The following INPP5D variants were observed in gnomAD, a reference collection of about 807,000 sequenced individuals.
The protein encoded by INPP5D is inositol polyphosphate-5-phosphatase D, also known as phosphatidylinositol 3,4,5-trisphosphate 5-phosphatase 1.
Under a neutral mutation model 122.9 loss-of-function variants are expected in INPP5D, and 33 were observed. That is an observed-to-expected ratio of 0.27 (90% CI 0.20 to 0.36). The LOEUF (loss-of-function observed/expected upper bound fraction) is 0.36. Among genes scored for constraint, INPP5D ranks in the 10% least tolerant of loss-of-function variants. INPP5D has a pLI of 1.00. For synonymous variants in INPP5D, 584 were observed against 576.2 expected, an observed-to-expected ratio of 1.01 and a Z score of -0.19; for missense variants, 1,053 against 1,412.7, an observed-to-expected ratio of 0.75 and a Z score of 4.08.
chr2:233,079,220 T>C (rs1691606930), intron 1 of INPP5D, 115 bp from the exon 2 acceptor site: 1 of 704,192 alleles, frequency 1.4e-6, no homozygotes, highest in Non-Finnish European at 2.5e-6. Context: ...AGCTCCGAAA[T>C]TCGGAGACTT....
rs755785032 is a variant in INPP5D, at chr2:233,130,498, T to A, written c.525-10T>A. 6.2e-7 allele frequency: 1 copy of A among 1,612,024 alleles called. No homozygotes were observed. Among genetic ancestry groups the A allele is most frequent in the African/African-American group, 1.3e-5 (1 of 74,714 alleles). The stretch of plus-strand genomic sequence containing the variant: ...GCAAGCATAGTTTGTTTCTTTTTTC[T>A]TTTCTTTAGGCTTCCAGAAGAGCAT... On this transcript the variant is annotated splice_polypyrimidine_tract_variant and intron_variant, in intron 4 of 26. Coordinates refer to ENST00000445964, the MANE Select transcript of INPP5D (RefSeq NM_001017915.3).
intron 2 of INPP5D, among the ~76,000 whole-genome samples, chr2:233,102,393 A>C (rs978000322): frequency 6.6e-6 from 1 of 152,200 alleles, no homozygotes; most frequent in South Asian, 2.1e-4. Flanking sequence ...AGTGTCCCAC[A>C]CCTCGCCTGC....
chr2:233,182,256 T>C (rs548281084), intron 18 of INPP5D, among the ~76,000 whole-genome samples, 154 bp from the exon 19 acceptor site: 11 of 152,330 alleles, frequency 7.2e-5, no homozygotes, highest in Non-Finnish European at 4.4e-5. Context: ...CACTGAACCC[T>C]TTAAGCATTG....
intron 9 of INPP5D, among the ~76,000 whole-genome samples, chr2:233,150,556 G>A (rs1367307718): frequency 6.6e-6 from 1 of 152,196 alleles, no homozygotes; most frequent in Non-Finnish European, 1.5e-5. Flanking sequence ...ACGTTAAGAT[G>A]AGTGAAGACT....
chr2:233,131,647 C>A lies in INPP5D; in HGVS notation c.665+999C>A, dbSNP rs190476045. Among the ~76,000 whole-genome samples, 532 of 152,244 alleles carry A rather than the reference C, an allele frequency of 3.5e-3. 11 individuals are homozygous for A. The highest frequency in any genetic ancestry group is 3.4e-3 in the Middle Eastern group (1 of 294). On this transcript the variant is annotated intron_variant, in intron 5 of 26. Transcript: ENST00000445964. ...CCTGGGAGGCTGAGGTTGTGGTGAG[C>A]CGAGATCTCGCCACTGCACTCCAGC...
In INPP5D at chr2:233,196,085, C is replaced by T. The variant is rs1349771326; in HGVS notation, c.2693+590C>T. ...GCTGCAGTGAGCTGTGATTGTGTCACTGCACTCCAGCTTAGGCGACAGAGT... is the reference window on the plus strand; with the variant it reads ...GCTGCAGTGAGCTGTGATTGTGTCATTGCACTCCAGCTTAGGCGACAGAGT... On this transcript the variant is annotated intron_variant, in intron 24 of 26. Coordinates refer to ENST00000445964, the MANE Select transcript of INPP5D (RefSeq NM_001017915.3). Among the ~76,000 whole-genome samples, 5 of 152,204 alleles carry T rather than the reference C, an allele frequency of 3.3e-5. No individual in the cohort carries two copies. The East Asian group carries it at 9.6e-4, about 29-fold the overall frequency.
chr2:233,071,587 G>A (rs1691385495), intron 1 of INPP5D, among the ~76,000 whole-genome samples: 1 of 151,986 alleles, frequency 6.6e-6, no homozygotes, highest in African/African-American at 2.4e-5. Flanking sequence ...ACTACTATTG[G>A]GACTTTGATT....
chr2:233,204,011 T>G (rs2106329949), intron 25 of INPP5D, 115 bp from the exon 26 acceptor site: 1 of 1,411,660 alleles, frequency 7.1e-7, no homozygotes, highest in South Asian at 1.6e-5. Context: ...CATGTCTCTA[T>G]CTAGTTCAGA....
rs1324165234 is a variant in INPP5D, at chr2:233,082,904, C to A, written c.198+3506C>A. Reference sequence around the variant, plus strand: ...TTCCAATCCAGAAGGTGTTTCCAAGCCTGTCTGGAGTCCCCTGGGGAAGGA... The same window carrying A: ...TTCCAATCCAGAAGGTGTTTCCAAGACTGTCTGGAGTCCCCTGGGGAAGGA... On this transcript the variant is annotated intron_variant, in intron 2 of 26. Transcript: ENST00000445964. The surrounding 1 kb of genome is among the most constrained non-coding windows in gnomAD (Gnocchi z 4.7). Among the ~76,000 whole-genome samples the A allele has an allele frequency of 6.6e-6, 1 of 152,364 alleles. No individual in the cohort carries two copies. Among genetic ancestry groups the A allele is most frequent in the East Asian group, 1.9e-4 (1 of 5,186 alleles).
chr2:233,065,464 C>T (rs1691187576), intron 1 of INPP5D, among the ~76,000 whole-genome samples: 2 of 76,576 alleles, frequency 2.6e-5, no homozygotes, highest in African/African-American at 1.2e-4. Flanking sequence ...CCTGCCACCA[C>T]ACCGGGCTAA....
chr2:233,204,795 T>C, intron 26 of INPP5D, 78 bp downstream of exon 26: 1 of 1,206,376 alleles, frequency 8.3e-7, no homozygotes, highest in Non-Finnish European at 1.1e-6. Flanking sequence ...TACCTATGCA[T>C]ATGTGTGTGC....
rs1694997857 is a variant in INPP5D at position 233,189,504 on chromosome 2, T to G, written c.2359-346T>G. Among the ~76,000 whole-genome samples, 2 of 152,130 alleles carry G rather than the reference T, an allele frequency of 1.3e-5. No homozygotes were observed. The highest frequency in any genetic ancestry group is 2.9e-5 in the Non-Finnish European group (2 of 68,012). ...GCCTGGCCCCACTTCCCCGCCAGCC[T>G]GCCTTCTCCTCTATGACCCTGGCCT... On this transcript the variant is annotated intron_variant, in intron 21 of 26. Coordinates refer to ENST00000445964, the MANE Select transcript of INPP5D (RefSeq NM_001017915.3). The surrounding 1 kb of genome is among the most constrained non-coding windows in gnomAD (Gnocchi z 5.6).
Position 233,198,250 on chromosome 2 carries a change from A to T in INPP5D, c.2849A>T (p.Asp950Val). The change falls in exon 25 of 27, where the codon GAC (aspartate) becomes GTC (valine). Residue 950 changes from aspartate to valine, a missense_variant. Coordinates refer to ENST00000445964, the MANE Select transcript of INPP5D (RefSeq NM_001017915.3). ...TGGAGCTACGACCAGCCGCCCAAGG[A>T]CTCCCCGCTGGGGCCCTGCAGGGGA... ...TAWSYDQPPK[D>V]SPLGPCRGES... The T allele has an allele frequency of 2.5e-6, 4 of 1,612,470 alleles. No individual in the cohort carries two copies. Among genetic ancestry groups the T allele is most frequent in the Non-Finnish European group, 3.4e-6 (4 of 1,179,628 alleles).
At chr2:233,111,689 C>T (rs1382636136) in intron 2 of INPP5D, among the ~76,000 whole-genome samples, 1 of 152,256 alleles carries the variant, frequency 6.6e-6, no homozygotes, top group Admixed American at 6.5e-5. Context: ...TACTGCAGAA[C>T]TTAACACTGG....
chr2:233,110,041 T>C (rs933346535), intron 2 of INPP5D, among the ~76,000 whole-genome samples: 2 of 148,354 alleles, frequency 1.3e-5, no homozygotes, highest in Non-Finnish European at 1.5e-5. Flanking sequence ...TGTGCCACCA[T>C]GCTCAGCTAA....
intron 2 of INPP5D, among the ~76,000 whole-genome samples, chr2:233,084,854 G>A (rs1691790553): frequency 1.3e-5 from 2 of 152,232 alleles, no homozygotes; most frequent in South Asian, 4.1e-4. Context: ...GGCCCCAAGG[G>A]GGTCCGTGCT....
At position 233,206,626 on chromosome 2, in the gene INPP5D, C is replaced by T. The variant is rs1318241230; in HGVS notation, c.3568-80C>T. 3 of 727,834 alleles carry T rather than the reference C, an allele frequency of 4.1e-6. No homozygotes were observed. The highest frequency in any genetic ancestry group is 7.7e-6 in the Non-Finnish European group (3 of 389,928). The allele number at this position is 727,834 out of a possible 1,614,324, so 45.1% of individuals were successfully genotyped here. On this transcript the variant is annotated intron_variant, in intron 26 of 26. Transcript: ENST00000445964. The surrounding 1 kb of genome is among the most constrained non-coding windows in gnomAD (Gnocchi z 4.0). ...AAAGGAAGCCTGGCCTAGCCCACAGCATGCAGGGACCTGGGCCACTTAGTT... is the reference window on the plus strand; with the variant it reads ...AAAGGAAGCCTGGCCTAGCCCACAGTATGCAGGGACCTGGGCCACTTAGTT...
At chr2:233,154,362 T>A (rs1559322606) in intron 9 of INPP5D, among the ~76,000 whole-genome samples, 1 of 152,210 alleles carries the variant, frequency 6.6e-6, no homozygotes, top group Admixed American at 6.5e-5. Context: ...CTGGCCAGGC[T>A]GGTCTCAAAC....
At chr2:233,068,883 A>G (rs926548496) in intron 1 of INPP5D, among the ~76,000 whole-genome samples, 1 of 152,182 alleles carries the variant, frequency 6.6e-6, no homozygotes, top group Non-Finnish European at 1.5e-5. Context: ...CCTGGAAGCC[A>G]GCAGGAGGAA....
Sources: gnomAD v4.1 joint callset for allele counts (sites outside exome capture counted in the v4.1 genomes callset) on GRCh38, gnomAD v4.1.1 for gene constraint, Gnocchi (gnomAD v3.1) non-coding constraint, MANE v1.5 for transcripts, NCBI Gene and HGNC (gene_info 2026-07-23, HGNC 2026-07-21) for gene names.